The following ROR2 variants were observed in gnomAD, a reference collection of about 807,000 sequenced individuals.
The protein encoded by ROR2 is tyrosine-protein kinase transmembrane receptor ROR2.
ROR2 carries 33 observed loss-of-function variants against 74.9 expected under a neutral mutation model. The observed-to-expected ratio is 0.44, with a 90% CI of 0.33 to 0.59. The LOEUF (loss-of-function observed/expected upper bound fraction) is 0.59. ROR2 is among the 20% of genes least tolerant of loss of function. ROR2 has a pLI of 0.02. For missense variants in ROR2, 1,216 were observed against 1,313.8 expected, an observed-to-expected ratio of 0.93 and a Z score of 1.15; for synonymous variants, 586 against 558.7, an observed-to-expected ratio of 1.05 and a Z score of -0.69.
At chr9:91,937,672 C>G (rs1167465220) in intron 1 of ROR2, among the ~76,000 whole-genome samples, 1 of 152,168 alleles carries the variant, frequency 6.6e-6, no homozygotes, top group Admixed American at 6.5e-5. Flanking sequence ...AAGGATTCAA[C>G]AAAGTGATCA....
chr9:91,810,552 G>A (rs1441906761), intron 1 of ROR2, among the ~76,000 whole-genome samples: 1 of 152,158 alleles, frequency 6.6e-6, no homozygotes, highest in Non-Finnish European at 1.5e-5. Flanking sequence ...TGCAAGCAGG[G>A]CCCGGCCCAG....
At chr9:91,788,725 C>T (rs1201338381) in intron 1 of ROR2, among the ~76,000 whole-genome samples, 6 of 151,780 alleles carry the variant, frequency 4.0e-5, no homozygotes, top group South Asian at 2.1e-4. Flanking sequence ...ATTAGTCAAG[C>T]GTGGTGGCGG....
At chr9:91,777,389 C>CCACACA (rs112876626) in intron 1 of ROR2, among the ~76,000 whole-genome samples, 5 of 149,946 alleles carry the variant, frequency 3.3e-5, no homozygotes, top group East Asian at 1.9e-4. Flanking sequence ...AACAAAACTG[C>CCACACA]CACACACACA....
intron 6 of ROR2, among the ~76,000 whole-genome samples, chr9:91,731,935 A>T (rs913097106): frequency 3.3e-5 from 5 of 152,220 alleles, no homozygotes; most frequent in Non-Finnish European, 5.9e-5. Flanking sequence ...AACAAACAAA[A>T]AAACCACCTT....
intron 1 of ROR2, among the ~76,000 whole-genome samples, chr9:91,915,041 T>G (rs1831093701): frequency 6.6e-6 from 1 of 152,062 alleles, no homozygotes; most frequent in Non-Finnish European, 1.5e-5. Flanking sequence ...AACTAGCCAT[T>G]TGAACAAAGG....
rs140950033 is a variant in ROR2, at chr9:91,755,881, T to C, written c.494+190A>G. 56 of 647,968 alleles carry C rather than the reference T, an allele frequency of 8.6e-5. 1 individual carries two copies. In the East Asian group the frequency reaches 1.5e-3, roughly 18 times the overall value. 40.1% of individuals were successfully genotyped at this position (647,968 alleles called of 1,614,324 possible). A position where few individuals can be genotyped will look rare whatever the true frequency, so the allele number is the denominator to read the frequency against. ...ATTTTTGTTTTTCTGACTTTTTTTCTGTACAAGAAACATGAAAAATGTAAA... is the reference window on the plus strand; with the variant it reads ...ATTTTTGTTTTTCTGACTTTTTTTCCGTACAAGAAACATGAAAAATGTAAA... On this transcript the variant is annotated intron_variant, in intron 4 of 8. Coordinates refer to ENST00000375708, the MANE Select transcript of ROR2 (RefSeq NM_004560.4).
At chr9:91,925,722 G>T (rs1311098447) in intron 1 of ROR2, among the ~76,000 whole-genome samples, 1 of 152,138 alleles carries the variant, frequency 6.6e-6, no homozygotes. Flanking sequence ...TGTCAAGAGT[G>T]CTTGCCAGAG....
chr9:91,757,226 G>C (rs552297681), intron 3 of ROR2, 46 bp downstream of exon 3: 1 of 1,611,920 alleles, frequency 6.2e-7, no homozygotes, highest in African/African-American at 1.3e-5. Flanking sequence ...CGGTGGCTGG[G>C]AACCTTCATA....
intron 1 of ROR2, among the ~76,000 whole-genome samples, chr9:91,931,419 C>G (rs1322770572): frequency 6.6e-6 from 1 of 152,120 alleles, no homozygotes; most frequent in African/African-American, 2.4e-5. Flanking sequence ...AAAAGCACAA[C>G]ACAAAATCTG....
At chr9:91,915,375 G>A (rs1831101089) in intron 1 of ROR2, among the ~76,000 whole-genome samples, 1 of 152,194 alleles carries the variant, frequency 6.6e-6, no homozygotes, top group Admixed American at 6.5e-5. Context: ...CCTTCCGGTA[G>A]GTTCACAGTC....
chr9:91,848,764 G>GAAAAA (rs36044426), intron 1 of ROR2, among the ~76,000 whole-genome samples: 11 of 103,754 alleles, frequency 1.1e-4, no homozygotes, highest in African/African-American at 2.2e-4. Flanking sequence ...CAGGGGGGAA[G>GAAAAA]AAAAAAAAAA....
intron 1 of ROR2, among the ~76,000 whole-genome samples, chr9:91,896,797 T>A (rs1587829968): frequency 6.6e-6 from 1 of 152,240 alleles, no homozygotes; most frequent in South Asian, 2.1e-4. Flanking sequence ...TGCATTTTTC[T>A]TATTACTTTC....
chr9:91,801,760 G>C (rs1172791767), intron 1 of ROR2, among the ~76,000 whole-genome samples: 2 of 152,222 alleles, frequency 1.3e-5, no homozygotes, highest in Admixed American at 6.5e-5. Flanking sequence ...CCCCACAGGA[G>C]GACGCTAAGG....
At chr9:91,858,724 A>C (rs762503980) in intron 1 of ROR2, among the ~76,000 whole-genome samples, 2 of 152,132 alleles carry the variant, frequency 1.3e-5, no homozygotes, top group Non-Finnish European at 2.9e-5. Flanking sequence ...TAACAATAGC[A>C]CTTAGCCATC....
At chr9:91,728,555 C>T (rs978630838) in intron 7 of ROR2, among the ~76,000 whole-genome samples, 3 of 152,112 alleles carry the variant, frequency 2.0e-5, no homozygotes, top group Non-Finnish European at 2.9e-5. Context: ...CTTAGCCTCC[C>T]GACTAGCTGG....
chr9:91,908,380 A>G (rs1349049593), intron 1 of ROR2, among the ~76,000 whole-genome samples: 1 of 152,260 alleles, frequency 6.6e-6, no homozygotes, highest in African/African-American at 2.4e-5. Context: ...AAAATGTAAT[A>G]GTAAAAACAT....
chr9:91,792,297 T>G (rs945258049), intron 1 of ROR2, among the ~76,000 whole-genome samples: 4 of 150,470 alleles, frequency 2.7e-5, no homozygotes, highest in African/African-American at 7.4e-5. Flanking sequence ...AGACCAAAAG[T>G]TGGTTCTATT....
At chr9:91,852,651 C>CACACACACACACACGCACACA (rs1231343818) in intron 1 of ROR2, among the ~76,000 whole-genome samples, 1 of 143,182 alleles carries the variant, frequency 7.0e-6, no homozygotes, top group Non-Finnish European at 1.5e-5. Flanking sequence ...ACACACACAC[C>CACACACACACACACGCACACA]CACACACACA....
intron 2 of ROR2, among the ~76,000 whole-genome samples, chr9:91,765,704 T>A (rs1826039013): frequency 6.6e-6 from 1 of 152,212 alleles, no homozygotes; most frequent in Non-Finnish European, 1.5e-5. Flanking sequence ...TCTCCAGGAC[T>A]GCAGCTCGCA....
Sources: allele counts gnomAD v4.1 joint callset (sites outside exome capture counted in the v4.1 genomes callset), GRCh38; gene constraint gnomAD v4.1.1; transcripts MANE v1.5; gene names NCBI Gene and HGNC (gene_info 2026-07-23, HGNC 2026-07-21).